ZNF595: variants seen among roughly 807,000 people sequenced by gnomAD.
ZNF595 encodes zinc finger protein 595.
Under a neutral mutation model 19.4 loss-of-function variants are expected in ZNF595, and 9 were observed. The observed-to-expected ratio is 0.46, with a 90% CI of 0.28 to 0.81. The LOEUF (loss-of-function observed/expected upper bound fraction) is 0.81. ZNF595 is among the 30% of genes least tolerant of loss of function. ZNF595 has a pLI of 0.11. For missense variants in ZNF595, 729 were observed against 736.0 expected (o/e 0.99, Z 0.11); for synonymous variants, 255 against 255.9 (o/e 1.00, Z 0.03).
At chr4:77,557 G>A (rs59464888) in intron 3 of ZNF595, among the ~76,000 whole-genome samples, 21,007 of 151,952 alleles carry the variant, frequency 0.14, 1,941 homozygotes, top group South Asian at 0.24. Flanking sequence ...TAGTTGGGAG[G>A]TAAATACTTC....
At chr4:70,290 T>C (rs190968111) in intron 3 of ZNF595, among the ~76,000 whole-genome samples, 162 of 152,228 alleles carry the variant, frequency 1.1e-3, no homozygotes, top group African/African-American at 3.6e-3. Flanking sequence ...CTAGTTTCGT[T>C]CTTCTGAATA....
intron 3 of ZNF595, among the ~76,000 whole-genome samples, chr4:69,621 C>G (rs899009687): frequency 6.6e-6 from 1 of 152,022 alleles, no homozygotes; most frequent in Admixed American, 6.6e-5. Flanking sequence ...GTTTATGTGC[C>G]TTACGTATTC....
In ZNF595 at chr4:87,070, C is replaced by T. The variant is rs570747076; in HGVS notation, c.1566C>T (p.Gly522=). 57 of 1,611,330 alleles carry T rather than the reference C, an allele frequency of 3.5e-5. No homozygotes were observed. Among genetic ancestry groups the T allele is most frequent in the East Asian group, 2.7e-4 (12 of 44,690 alleles). The change falls in exon 4 of 4, where the codon GGC becomes GGT. Residue 522 remains glycine, a synonymous_variant. Coordinates refer to ENST00000610261, the MANE Select transcript of ZNF595 (RefSeq NM_182524.4). ...ECGKAFNQSS[G]LIIHRSIHSE... Reference sequence around the variant, plus strand: ...GCAAAGCTTTTAACCAATCCTCAGGCCTTATTATACACAGGAGCATTCATT... The same window carrying T: ...GCAAAGCTTTTAACCAATCCTCAGGTCTTATTATACACAGGAGCATTCATT...
chr4:66,288 T>C (rs143097009), intron 3 of ZNF595, among the ~76,000 whole-genome samples: 6 of 152,120 alleles, frequency 3.9e-5, no homozygotes, highest in South Asian at 2.1e-4. Context: ...ATTTCATCTT[T>C]GGAGAAACAT....
intron 3 of ZNF595, among the ~76,000 whole-genome samples, chr4:83,612 T>A (rs1284556440): frequency 1.0e-5 from 1 of 97,860 alleles, no homozygotes; most frequent in East Asian, 3.3e-4. Context: ...AGAGTGAGAC[T>A]CCGTCTCAAA....
chr4:68,488 T>C (rs1713286568), intron 3 of ZNF595: 1 of 152,284 alleles, frequency 6.6e-6, no homozygotes, highest in African/African-American at 2.4e-5. Context: ...TACAAATTCT[T>C]AACTATGTTC....
intron 3 of ZNF595, among the ~76,000 whole-genome samples, chr4:63,172 G>A (rs1581326262): frequency 7.0e-6 from 1 of 143,416 alleles, no homozygotes; most frequent in South Asian, 2.4e-4. Flanking sequence ...ATTGGTTTTT[G>A]TATCTGTTTT....
chr4:84,429 T>G (rs1714049388), intron 3 of ZNF595, among the ~76,000 whole-genome samples: 1 of 152,214 alleles, frequency 6.6e-6, no homozygotes, highest in Non-Finnish European at 1.5e-5. Context: ...TTTGGTTATC[T>G]TGAAAGAGCT....
intron 3 of ZNF595, among the ~76,000 whole-genome samples, chr4:84,113 C>T (rs1439429937): frequency 1.3e-5 from 2 of 152,048 alleles, no homozygotes; most frequent in South Asian, 2.1e-4. Context: ...TACATCTGCC[C>T]TCAACTTTGT....
At chr4:82,548 CTAAT>C (rs1713962795) in intron 3 of ZNF595, among the ~76,000 whole-genome samples, 1 of 151,790 alleles carries the variant, frequency 6.6e-6, no homozygotes, top group Admixed American at 6.6e-5. Flanking sequence ...CCACACCTGG[CTAAT>C]TTTGTAATTT....
chr4:62,410 G>A (rs1581325021), intron 3 of ZNF595, among the ~76,000 whole-genome samples: 3 of 45,684 alleles, frequency 6.6e-5, no homozygotes, highest in Non-Finnish European at 1.2e-4. Flanking sequence ...AAATTTTTTT[G>A]GCTATTTTAA....
At chr4:82,079 T>C (rs187851183) in intron 3 of ZNF595, among the ~76,000 whole-genome samples, 1 of 152,160 alleles carries the variant, frequency 6.6e-6, no homozygotes, top group East Asian at 1.9e-4. Flanking sequence ...CCATACTAAA[T>C]TTTTTAAGTT....
intron 3 of ZNF595, among the ~76,000 whole-genome samples, chr4:78,569 CTG>C (rs1713770595): frequency 1.3e-5 from 2 of 152,074 alleles, no homozygotes; most frequent in Non-Finnish European, 2.9e-5. Flanking sequence ...ATCAAAGAAA[CTG>C]TAAAATTGCC....
rs1553801572 is a variant in ZNF595, at chr4:86,489, G to T, written c.985G>T (p.Glu329Ter). 4 of 1,612,886 alleles carry T rather than the reference G, an allele frequency of 2.5e-6. No homozygotes were observed. The highest frequency in any genetic ancestry group is 3.4e-6 in the Non-Finnish European group (4 of 1,179,734). Residue 329 changes from glutamate (E) to a stop codon, truncating the protein, a stop_gained, in exon 4 of 4, where the codon GAA becomes TAA. Coordinates refer to ENST00000610261, the MANE Select transcript of ZNF595 (RefSeq NM_182524.4). LOFTEE classifies it high-confidence loss of function. ...KAFRQSRSLN[E>*]HKNIHTGEKP... Reference sequence around the variant, plus strand: ...CTTTAGACAGTCCAGGAGCCTGAATGAACATAAAAATATTCATACTGGCGA... The same window carrying T: ...CTTTAGACAGTCCAGGAGCCTGAATTAACATAAAAATATTCATACTGGCGA...
intron 3 of ZNF595, among the ~76,000 whole-genome samples, chr4:61,562 G>C (rs1581323708): frequency 6.6e-6 from 1 of 152,406 alleles, no homozygotes; most frequent in East Asian, 1.9e-4. Context: ...GTCTTATTTA[G>C]TAGGAAGCCT....
rs565063788 is a variant in ZNF595 at position 75,052 on chromosome 4, T to G, written c.227-10679T>G. On this transcript the variant is annotated intron_variant, in intron 3 of 3. Transcript: ENST00000610261. ...ACAGATTTTTTTTTTCCTAGAAATC[T>G]CTTTTGTCTGATACGGCCACTGCTA... Among the ~76,000 whole-genome samples the G allele has an allele frequency of 3.6e-4, 55 of 152,260 alleles. 1 individual carries two copies. The highest frequency in any genetic ancestry group is 1.3e-3 in the African/African-American group (55 of 41,546).
rs1042613292 is a variant in ZNF595, at chr4:76,278, G to T, written c.227-9453G>T. 7.2e-5 allele frequency among the ~76,000 whole-genome samples: 11 copies of T among 152,220 alleles called. No individual in the cohort carries two copies. In the East Asian group the frequency reaches 1.7e-3, roughly 24 times the overall value. Reference sequence around the variant, plus strand: ...AGACACGGTCCTGCTATATTGAGCAGGCTGGTTTTGACCTCCTGGCCTCAA... The same window carrying T: ...AGACACGGTCCTGCTATATTGAGCATGCTGGTTTTGACCTCCTGGCCTCAA... On this transcript the variant is annotated intron_variant, in intron 3 of 3. Transcript: ENST00000610261.
intron 3 of ZNF595, among the ~76,000 whole-genome samples, chr4:83,996 A>G (rs1203196972): frequency 2.6e-5 from 4 of 151,924 alleles, no homozygotes; most frequent in African/African-American, 9.7e-5. Context: ...TTTTTCATGT[A>G]TCCATACAGA....
chr4:66,760 G>A (rs1448974024), intron 3 of ZNF595, among the ~76,000 whole-genome samples: 2 of 152,162 alleles, frequency 1.3e-5, no homozygotes, highest in Non-Finnish European at 2.9e-5. Flanking sequence ...TATACACAGT[G>A]GTTTGTTTTT....
Sources: gnomAD v4.1 joint callset for allele counts (sites outside exome capture counted in the v4.1 genomes callset) on GRCh38, gnomAD v4.1.1 for gene constraint, MANE v1.5 for transcripts, NCBI Gene and HGNC (gene_info 2026-07-23, HGNC 2026-07-21) for gene names.